The following LRRC4C variants were observed in gnomAD, a reference collection of about 807,000 sequenced individuals.
The protein encoded by LRRC4C is leucine-rich repeat-containing protein 4C.
LRRC4C carries 5 observed loss-of-function variants against 33.6 expected under a neutral mutation model. That is an observed-to-expected ratio of 0.15 (90% confidence interval 0.08 to 0.31). The LOEUF (loss-of-function observed/expected upper bound fraction) is 0.31, where lower values mean the gene tolerates loss of function less well. Ranked by LOEUF, LRRC4C falls within the 10% of genes least tolerant of loss-of-function variation. The pLI is 1.00. For synonymous variants in LRRC4C, 329 were observed against 302.0 expected, an observed-to-expected ratio of 1.09 and a Z score of -0.93; for missense variants, 560 against 796.7, an observed-to-expected ratio of 0.70 and a Z score of 3.58.
At chr11:41,341,409 A>T (rs1248431431) in intron 1 of LRRC4C, among the ~76,000 whole-genome samples, 1 of 152,146 alleles carries the variant, frequency 6.6e-6, no homozygotes, top group Non-Finnish European at 1.5e-5. Context: ...GCACCTGAGT[A>T]TTGCCCTTCA....
intron 3 of LRRC4C, among the ~76,000 whole-genome samples, chr11:40,354,772 G>A (rs1330807462): frequency 1.3e-5 from 2 of 152,096 alleles, no homozygotes; most frequent in Non-Finnish European, 2.9e-5. Context: ...CAAAAGTGCT[G>A]CTCAGGAGCC....
intron 3 of LRRC4C, among the ~76,000 whole-genome samples, chr11:40,629,153 TA>T (rs1205023187): frequency 6.6e-6 from 1 of 152,204 alleles, no homozygotes; most frequent in African/African-American, 2.4e-5. Flanking sequence ...TTGGCTCTTA[TA>T]AGATAGTATA....
At chr11:40,513,892 G>A (rs542953762) in intron 3 of LRRC4C, among the ~76,000 whole-genome samples, 4 of 152,148 alleles carry the variant, frequency 2.6e-5, no homozygotes, top group African/African-American at 9.6e-5. Flanking sequence ...AAGGGTGATA[G>A]AAACCAACCA....
intron 1 of LRRC4C, among the ~76,000 whole-genome samples, chr11:41,135,583 C>T (rs542369592): frequency 6.6e-6 from 1 of 152,278 alleles, no homozygotes. Context: ...ACATAGGCTA[C>T]ATATACATTA....
At chr11:41,123,281 T>G (rs1376927764) in intron 1 of LRRC4C, among the ~76,000 whole-genome samples, 4 of 106,146 alleles carry the variant, frequency 3.8e-5, no homozygotes, top group African/African-American at 7.0e-5. Context: ...TTTTTTTTTT[T>G]TTTTTTTTTG....
intron 3 of LRRC4C, among the ~76,000 whole-genome samples, chr11:40,452,179 T>A (rs1457417115): frequency 1.3e-5 from 2 of 151,776 alleles, no homozygotes; most frequent in African/African-American, 4.8e-5. Flanking sequence ...AATTGACAAA[T>A]GGGATCTCAT....
chr11:40,520,100 G>C (rs1955748028), intron 3 of LRRC4C, among the ~76,000 whole-genome samples: 1 of 152,098 alleles, frequency 6.6e-6, no homozygotes, highest in Admixed American at 6.5e-5. Flanking sequence ...AAAAATCCTA[G>C]GGCTCTTAAA....
intron 1 of LRRC4C, among the ~76,000 whole-genome samples, chr11:41,274,283 C>T (rs1292732598): frequency 6.6e-6 from 1 of 152,096 alleles, no homozygotes; most frequent in Non-Finnish European, 1.5e-5. Flanking sequence ...GTGACATGAA[C>T]TGACTAACCT....
intron 6 of LRRC4C, among the ~76,000 whole-genome samples, chr11:40,118,162 A>G (rs1374398936): frequency 6.7e-6 from 1 of 148,428 alleles, no homozygotes; most frequent in East Asian, 1.9e-4. Flanking sequence ...CATTAAATTT[A>G]ATATTAAAAT....
chr11:40,116,074 G>A lies in LRRC4C; in HGVS notation c.219C>T (p.Gly73=). The A allele has an allele frequency of 6.2e-7, 1 of 1,614,008 alleles. No individual in the cohort carries two copies. Among genetic ancestry groups the A allele is most frequent in the South Asian group, 1.1e-5 (1 of 91,068 alleles). ...TCAGCAGCCGTGTGTTGGTGGAGAT[G>A]CCATCCGGAACCTCACGCAGGTTTT... The part of the protein sequence containing the change: ...VRKNLREVPD[G]ISTNTRLLNL... The change falls in exon 7 of 7, where the codon GGC becomes GGT. Residue 73 remains glycine (G), a synonymous_variant. Coordinates refer to ENST00000528697, the MANE Select transcript of LRRC4C (RefSeq NM_001258419.2).
chr11:41,241,903 T>C (rs993014611), intron 1 of LRRC4C, among the ~76,000 whole-genome samples: 1 of 152,202 alleles, frequency 6.6e-6, no homozygotes, highest in African/African-American at 2.4e-5. Flanking sequence ...TATTCCATAT[T>C]AATATTCTTT....
chr11:40,519,194 C>A (rs1218486261), intron 3 of LRRC4C, among the ~76,000 whole-genome samples: 2 of 151,760 alleles, frequency 1.3e-5, no homozygotes, highest in Non-Finnish European at 2.9e-5. Context: ...ACATATGTAA[C>A]AAAACTCGAC....
intron 2 of LRRC4C, among the ~76,000 whole-genome samples, chr11:40,921,475 C>T (rs1456189188): frequency 6.6e-6 from 1 of 152,116 alleles, no homozygotes; most frequent in African/African-American, 2.4e-5. Flanking sequence ...GCAACCACAA[C>T]TACCAAGGAA....
chr11:40,158,314 G>A (rs1338530026), intron 5 of LRRC4C, among the ~76,000 whole-genome samples: 1 of 151,970 alleles, frequency 6.6e-6, no homozygotes, highest in African/African-American at 2.4e-5. Flanking sequence ...ATGGTGCAGT[G>A]TATACTGCTC....
At chr11:41,398,474 T>A (rs16935673) in intron 1 of LRRC4C, among the ~76,000 whole-genome samples, 17 of 152,080 alleles carry the variant, frequency 1.1e-4, no homozygotes, top group Non-Finnish European at 2.5e-4. Flanking sequence ...AATCCCTGAA[T>A]GCACTGTAAC....
intron 3 of LRRC4C, among the ~76,000 whole-genome samples, chr11:40,630,420 T>C (rs1160767286): frequency 2.6e-5 from 2 of 78,154 alleles, no homozygotes; most frequent in African/African-American, 7.3e-5. Flanking sequence ...CTCTTCTTCT[T>C]CTTTTTTTTT....
chr11:40,191,027 A>G (rs1462879112), intron 5 of LRRC4C, among the ~76,000 whole-genome samples: 1 of 152,192 alleles, frequency 6.6e-6, no homozygotes, highest in Non-Finnish European at 1.5e-5. Context: ...TACTATTGCT[A>G]CTACTATTGA....
intron 1 of LRRC4C, among the ~76,000 whole-genome samples, chr11:41,091,928 T>C (rs1310765675): frequency 6.6e-6 from 1 of 152,030 alleles, no homozygotes; most frequent in African/African-American, 2.4e-5. Context: ...AGAAAATCAA[T>C]GGGATACAAT....
chr11:41,038,276 C>T (rs1204850505), intron 1 of LRRC4C, among the ~76,000 whole-genome samples: 1 of 152,192 alleles, frequency 6.6e-6, no homozygotes, highest in African/African-American at 2.4e-5. Flanking sequence ...AAGAGAAATA[C>T]ACACACATCT....
Sources: allele counts gnomAD v4.1 joint callset (sites outside exome capture counted in the v4.1 genomes callset), GRCh38; gene constraint gnomAD v4.1.1; transcripts MANE v1.5; gene names NCBI Gene and HGNC (gene_info 2026-07-23, HGNC 2026-07-21).